Variants in TTC28 observed in about 807,000 individuals in gnomAD.
The protein encoded by TTC28 is tetratricopeptide repeat protein 28.
Under a neutral mutation model 198.0 loss-of-function variants are expected in TTC28, and 61 were observed. The ratio of observed to expected loss-of-function variants is 0.31; its 90% CI spans 0.25 to 0.38. The LOEUF (loss-of-function observed/expected upper bound fraction) is 0.38. Ranked by LOEUF, TTC28 falls within the 10% of genes least tolerant of loss-of-function variation. The pLI is 1.00. For synonymous variants in TTC28, 1,171 were observed against 1,297.8 expected (o/e 0.90, Z 2.10); for missense variants, 2,678 against 3,164.0 (o/e 0.85, Z 3.69).
At chr22:28,044,490 A>C (rs1478238037) in intron 12 of TTC28, among the ~76,000 whole-genome samples, 1 of 152,062 alleles carries the variant, frequency 6.6e-6, no homozygotes, top group African/African-American at 2.4e-5. Flanking sequence ...TTTAGAGTAC[A>C]TGTGCACAAT....
At chr22:28,105,122 G>A (rs1247084431) in intron 8 of TTC28, among the ~76,000 whole-genome samples, 157 bp downstream of exon 8, 1 of 152,150 alleles carries the variant, frequency 6.6e-6, no homozygotes, top group Non-Finnish European at 1.5e-5. Context: ...TGGGGACACC[G>A]TGATTCTGGA....
intron 13 of TTC28, among the ~76,000 whole-genome samples, chr22:28,023,607 C>T (rs141499753): frequency 6.6e-6 from 1 of 152,198 alleles, no homozygotes; most frequent in Non-Finnish European, 1.5e-5. Flanking sequence ...CCTGTGGGGT[C>T]GAATTCACTT....
rs35849354 is a variant in TTC28 at position 28,637,004 on chromosome 22, G to GTTTTT, written c.103-7179_103-7175dup. ...GGAGTTTTAGAGTTTCAGGTCTTCA[G>GTTTTT]TTTTTTTTTTTTTTTTTTTTTTGAG... On this transcript the variant is annotated intron_variant, in intron 1 of 22. Coordinates refer to ENST00000397906, the MANE Select transcript of TTC28 (RefSeq NM_001145418.2). Among the ~76,000 whole-genome samples, 21 of 97,322 alleles carry GTTTTT rather than the reference G, an allele frequency of 2.2e-4. No individual in the cohort carries two copies. In the East Asian group the frequency reaches 2.7e-3, roughly 13 times the overall value. 63.8% of individuals were successfully genotyped at this position (97,322 alleles called of 152,430 possible). A position where few individuals can be genotyped will look rare whatever the true frequency, so the allele number is the denominator to read the frequency against.
At chr22:28,598,474 A>C (rs1338105179) in intron 2 of TTC28, among the ~76,000 whole-genome samples, 1 of 131,594 alleles carries the variant, frequency 7.6e-6, no homozygotes, top group Admixed American at 9.8e-5. Flanking sequence ...GCGCCACTGC[A>C]CTCCAGCCTG....
At chr22:28,110,650 G>A (rs1292599881) in intron 6 of TTC28, among the ~76,000 whole-genome samples, 2 of 152,150 alleles carry the variant, frequency 1.3e-5, no homozygotes, top group East Asian at 3.8e-4. Flanking sequence ...TAAAAATGGT[G>A]AGGGGCTGGG....
chr22:28,488,877 G>C (rs2048341953), intron 2 of TTC28, among the ~76,000 whole-genome samples: 1 of 152,042 alleles, frequency 6.6e-6, no homozygotes, highest in Admixed American at 6.6e-5. Context: ...ACCATGTAAG[G>C]AAACAAGCCA....
intron 6 of TTC28, among the ~76,000 whole-genome samples, chr22:28,138,431 C>G (rs1446151969): frequency 6.6e-6 from 1 of 152,148 alleles, no homozygotes; most frequent in African/African-American, 2.4e-5. Flanking sequence ...AGTATTTGCA[C>G]AAGGGAAGCT....
chr22:28,267,913 G>A (rs1191744411), intron 5 of TTC28, among the ~76,000 whole-genome samples: 4 of 152,122 alleles, frequency 2.6e-5, no homozygotes, highest in East Asian at 1.9e-4. Context: ...TCGGGACTAC[G>A]ACTGGTCAGC....
At chr22:28,241,890 T>G (rs899566117) in intron 5 of TTC28, among the ~76,000 whole-genome samples, 1 of 152,112 alleles carries the variant, frequency 6.6e-6, no homozygotes, top group Admixed American at 6.6e-5. Context: ...GTTTTGTGGT[T>G]ATACACTAAA....
intron 13 of TTC28, chr22:28,029,157 G>A (rs1397597201): frequency 2.1e-6 from 1 of 469,728 alleles, no homozygotes; most frequent in Admixed American, 2.4e-5. Flanking sequence ...CTGTGAAGGT[G>A]GCTGGGAAGA....
intron 5 of TTC28, among the ~76,000 whole-genome samples, chr22:28,286,633 A>T (rs1043942371): frequency 1.3e-5 from 2 of 152,204 alleles, no homozygotes; most frequent in African/African-American, 4.8e-5. Flanking sequence ...ACTAATTCAT[A>T]CATTACTTAT....
At chr22:28,367,995 A>G (rs772470434) in intron 2 of TTC28, among the ~76,000 whole-genome samples, 2 of 152,038 alleles carry the variant, frequency 1.3e-5, no homozygotes, top group Non-Finnish European at 2.9e-5. Context: ...TTAAAAAAGA[A>G]CTAATACCAA....
chr22:28,423,415 AAACAAC>A (rs1247538887), intron 2 of TTC28, among the ~76,000 whole-genome samples: 3 of 152,210 alleles, frequency 2.0e-5, no homozygotes, highest in Non-Finnish European at 4.4e-5. Context: ...AGAAAAAAGA[AAACAAC>A]AACAACAACA....
At chr22:28,416,713 G>A (rs2047172687) in intron 2 of TTC28, among the ~76,000 whole-genome samples, 1 of 152,058 alleles carries the variant, frequency 6.6e-6, no homozygotes, top group Admixed American at 6.6e-5. Flanking sequence ...CAACCCATTC[G>A]GGAAAGCATA....
At chr22:28,413,944 A>T (rs559161573) in intron 2 of TTC28, among the ~76,000 whole-genome samples, 32 of 152,370 alleles carry the variant, frequency 2.1e-4, no homozygotes, top group African/African-American at 6.0e-4. Context: ...TGTGGAAAGT[A>T]TTATAAACAT....
chr22:28,343,031 G>A (rs1474568919), intron 2 of TTC28, among the ~76,000 whole-genome samples: 1 of 152,048 alleles, frequency 6.6e-6, no homozygotes, highest in African/African-American at 2.4e-5. Context: ...AAAACATCTA[G>A]TTGGTGGCAG....
At chr22:28,073,123 C>T (rs1244289437) in intron 12 of TTC28, among the ~76,000 whole-genome samples, 1 of 152,068 alleles carries the variant, frequency 6.6e-6, no homozygotes, top group Non-Finnish European at 1.5e-5. Context: ...ATTAAATCAA[C>T]AGCAACAAAT....
At chr22:27,993,077 G>T in intron 18 of TTC28, 1 of 598,204 alleles carries the variant, frequency 1.7e-6, no homozygotes, top group Non-Finnish European at 2.9e-6. Flanking sequence ...GCAGATGCCT[G>T]CCATCACAGA....
intron 10 of TTC28, among the ~76,000 whole-genome samples, 182 bp downstream of exon 10, chr22:28,098,733 T>C (rs1014584445): frequency 6.6e-6 from 1 of 152,202 alleles, no homozygotes; most frequent in African/African-American, 2.4e-5. Context: ...GTAGGAGCTC[T>C]ACTAATCTTT....
Sources: allele counts gnomAD v4.1 joint callset (sites outside exome capture counted in the v4.1 genomes callset), GRCh38; gene constraint gnomAD v4.1.1; transcripts MANE v1.5; gene names NCBI Gene and HGNC (gene_info 2026-07-23, HGNC 2026-07-21).